The following TTF1 variants were observed in gnomAD, a reference collection of about 807,000 sequenced individuals.
TTF1 encodes transcription termination factor, RNA polymerase I.
Under a neutral mutation model 80.2 loss-of-function variants are expected in TTF1, and 64 were observed. That is an observed-to-expected ratio of 0.80 (90% confidence interval 0.65 to 0.98). The LOEUF (loss-of-function observed/expected upper bound fraction) is 0.98, where lower values mean the gene tolerates loss of function less well. TTF1 is among the 50% of genes least tolerant of loss of function. The probability of loss-of-function intolerance (pLI) is 0.00; values close to 1 mark genes in which losing one functional copy is unlikely to be tolerated. For synonymous variants in TTF1, 372 were observed against 382.7 expected (o/e 0.97, Z 0.33); for missense variants, 1,023 against 1,086.2 (o/e 0.94, Z 0.82).
At chr9:132,392,473 T>C (rs1004348255) in intron 5 of TTF1, among the ~76,000 whole-genome samples, 3 of 152,192 alleles carry the variant, frequency 2.0e-5, no homozygotes, top group African/African-American at 7.2e-5. Context: ...CCTCTGTCCC[T>C]GTGGTGGAAA....
At chr9:132,392,926 G>A (rs375384022) in intron 5 of TTF1, among the ~76,000 whole-genome samples, 8 of 152,210 alleles carry the variant, frequency 5.3e-5, no homozygotes, top group African/African-American at 1.9e-4. Context: ...AAATATCAAC[G>A]ATGTATTTTA....
At chr9:132,405,887 A>G (rs1020530488) in intron 1 of TTF1, among the ~76,000 whole-genome samples, 2 of 152,156 alleles carry the variant, frequency 1.3e-5, no homozygotes, top group Non-Finnish European at 1.5e-5. Context: ...CTTCCTCCGC[A>G]TTACCTTTCT....
rs756803045 is a variant in TTF1 at position 132,384,946 on chromosome 9, G to A, written c.2378+1610C>T. ...GCTGGGATTACAGGCAAGAGCCACC[G>A]TGCCCAGCCTACGTTTCTTTAATTC... On this transcript the variant is annotated intron_variant, in intron 9 of 10. Coordinates refer to ENST00000334270, the MANE Select transcript of TTF1 (RefSeq NM_007344.4). This position sits in a 1 kb window ranked among gnomAD's most constrained non-coding sequence, Gnocchi z 4.1. Among the ~76,000 whole-genome samples the A allele has an allele frequency of 4.6e-5, 7 of 152,128 alleles. No individual in the cohort carries two copies. The South Asian group carries it at 8.3e-4, about 18-fold the overall frequency.
chr9:132,405,980 A>C (rs12237839), intron 1 of TTF1, among the ~76,000 whole-genome samples: 7,687 of 152,270 alleles, frequency 0.05, 275 homozygotes, highest in East Asian at 0.16. Context: ...TTTCTGGTTA[A>C]CAGTGTTTCC....
At chr9:132,378,380 T>C (rs1346901735) in intron 10 of TTF1, among the ~76,000 whole-genome samples, 3 of 10,470 alleles carry the variant, frequency 2.9e-4, no homozygotes, top group Non-Finnish European at 2.0e-3. Flanking sequence ...GCATGTGGTG[T>C]GTGTGAGTGC....
chr9:132,377,579 G>C (rs1303963673), intron 10 of TTF1, among the ~76,000 whole-genome samples: 4 of 25,218 alleles, frequency 1.6e-4, no homozygotes. Flanking sequence ...AGTGCATGTG[G>C]TGTGTGTGAG....
Position 132,388,138 on chromosome 9 carries a change from C to A in TTF1, c.2312+1G>T. On this transcript the variant is annotated splice_donor_variant, in intron 8 of 10. Coordinates refer to ENST00000334270, the MANE Select transcript of TTF1 (RefSeq NM_007344.4). LOFTEE classifies it high-confidence loss of function. ...GAGGCATCCGTTTCTATTTTTCATA[C>A]CTTTCAATAAGGCTGACCTTGGCCC... 3 of 1,608,390 alleles carry A rather than the reference C, an allele frequency of 1.9e-6. No individual in the cohort carries two copies. The highest frequency in any genetic ancestry group is 2.6e-6 in the Non-Finnish European group (3 of 1,176,284).
chr9:132,397,228 T>A (rs1849669044), intron 4 of TTF1, among the ~76,000 whole-genome samples: 1 of 152,098 alleles, frequency 6.6e-6, no homozygotes, highest in African/African-American at 2.4e-5. Context: ...GAATACAGGG[T>A]AACAGTTTTC....
chr9:132,381,714 G>A (rs985000119), intron 9 of TTF1, among the ~76,000 whole-genome samples: 1 of 152,110 alleles, frequency 6.6e-6, no homozygotes, highest in Non-Finnish European at 1.5e-5. Flanking sequence ...TGTGAGTCCT[G>A]GCAGGGCCTG....
rs902419747 is a variant in TTF1 at position 132,378,654 on chromosome 9, TG to T, written c.2464+404del. Among the ~76,000 whole-genome samples the T allele has an allele frequency of 4.1e-5, 5 of 121,930 alleles. No homozygotes were observed. In the Admixed American group the frequency reaches 4.3e-4, roughly 11 times the overall value. The allele number at this position is 121,930 out of a possible 152,430, so 80.0% of individuals were successfully genotyped here. A position where few individuals can be genotyped will look rare whatever the true frequency, so the allele number is the denominator to read the frequency against. ...TTGGTGTGAGTGCATGTGGTGTGAG[TG>T]CATACGTGTGTGAGTGCATGCATGT... On this transcript the variant is annotated intron_variant, in intron 10 of 10. Coordinates refer to ENST00000334270, the MANE Select transcript of TTF1 (RefSeq NM_007344.4).
chr9:132,383,547 G>A (rs971836600), intron 9 of TTF1, among the ~76,000 whole-genome samples: 4 of 152,170 alleles, frequency 2.6e-5, no homozygotes, highest in Admixed American at 2.6e-4. Context: ...GTTCAGAAGA[G>A]GCGACTATGG....
intron 1 of TTF1, among the ~76,000 whole-genome samples, chr9:132,406,034 T>C (rs910867230): frequency 3.9e-5 from 6 of 152,206 alleles, no homozygotes; most frequent in South Asian, 2.1e-4. Context: ...AGTTATAATA[T>C]GATCGGCTTC....
chr9:132,380,553 T>C lies in TTF1; in HGVS notation c.2379-1409A>G, dbSNP rs1180723873. On this transcript the variant is annotated intron_variant, in intron 9 of 10. Transcript: ENST00000334270. ...TCTACGGCAGCCTGTGCCTTTTCCC[T>C]TCCCATAATGCTGTGCGCCCAACAT... Among the ~76,000 whole-genome samples, 4 of 152,202 alleles carry C rather than the reference T, an allele frequency of 2.6e-5. No individual in the cohort carries two copies. The East Asian group carries it at 7.7e-4, about 29-fold the overall frequency.
chr9:132,376,078 G>A lies in TTF1; in HGVS notation c.2555C>T (p.Thr852Ile). 3.1e-6 allele frequency: 5 copies of A among 1,614,192 alleles called. No homozygotes were observed. Among genetic ancestry groups the A allele is most frequent in the Non-Finnish European group, 4.2e-6 (5 of 1,180,038 alleles). Residue 852 changes from threonine to isoleucine, a missense_variant, in exon 11 of 11, where the codon ACT becomes ATT. Coordinates refer to ENST00000334270, the MANE Select transcript of TTF1 (RefSeq NM_007344.4). ...MMEKKGTKIQTPAAPKQVFPF... is the reference protein window; with the variant it reads ...MMEKKGTKIQIPAAPKQVFPF... ...GAAAACTTGCTTGGGTGCTGCAGGAGTCTGGATTTTAGTGCCTTTTTTCTC... is the reference window on the plus strand; with the variant it reads ...GAAAACTTGCTTGGGTGCTGCAGGAATCTGGATTTTAGTGCCTTTTTTCTC...
intron 10 of TTF1, among the ~76,000 whole-genome samples, chr9:132,376,424 G>A (rs1213414795): frequency 6.6e-6 from 1 of 152,134 alleles, no homozygotes; most frequent in Non-Finnish European, 1.5e-5. Context: ...CCGAGGCCTT[G>A]GAATTCATAA....
At chr9:132,401,058 G>A (rs1052050433) in intron 2 of TTF1, among the ~76,000 whole-genome samples, 2 of 152,144 alleles carry the variant, frequency 1.3e-5, no homozygotes, top group African/African-American at 2.4e-5. Flanking sequence ...GGGTAGGCAC[G>A]GTGGTTCACG....
intron 9 of TTF1, among the ~76,000 whole-genome samples, chr9:132,380,055 G>A (rs1383864878): frequency 6.6e-6 from 1 of 151,912 alleles, no homozygotes; most frequent in East Asian, 1.9e-4. Flanking sequence ...ACCAGACAAT[G>A]TCTCTTTCTC....
At chr9:132,405,122 T>C (rs903306339) in intron 1 of TTF1, among the ~76,000 whole-genome samples, 21 of 152,124 alleles carry the variant, frequency 1.4e-4, no homozygotes, top group Admixed American at 1.4e-3. Flanking sequence ...CTCCTGACCT[T>C]GTGATCCAAC....
chr9:132,397,873 C>A (rs530929784), intron 4 of TTF1, among the ~76,000 whole-genome samples: 2 of 152,068 alleles, frequency 1.3e-5, no homozygotes, highest in African/African-American at 4.8e-5. Context: ...GTAGTCCCAG[C>A]TACTCAGGAG....
Sources: gnomAD v4.1 joint callset for allele counts (sites outside exome capture counted in the v4.1 genomes callset) on GRCh38, gnomAD v4.1.1 for gene constraint, Gnocchi (gnomAD v3.1) non-coding constraint, MANE v1.5 for transcripts, NCBI Gene and HGNC (gene_info 2026-07-23, HGNC 2026-07-21) for gene names.